Variants in SLC23A2 observed in about 807,000 individuals in gnomAD.
The protein encoded by SLC23A2 is Na(+)/L-ascorbic acid transporter 2.
A neutral mutation model predicts 73.3 loss-of-function variants in SLC23A2; 36 were observed. That is an observed-to-expected ratio of 0.49 (90% CI 0.38 to 0.65). SLC23A2 has a LOEUF of 0.65. SLC23A2 is among the 30% of genes least tolerant of loss of function. The probability of loss-of-function intolerance (pLI) is 0.00; values close to 1 mark genes in which losing one functional copy is unlikely to be tolerated. For missense variants in SLC23A2, 507 were observed against 841.6 expected, an observed-to-expected ratio of 0.60 and a Z score of 4.92; for synonymous variants, 343 against 327.3, an observed-to-expected ratio of 1.05 and a Z score of -0.52.
Position 4,853,328 on chromosome 20 carries a change from C to T in SLC23A2, c.*3644G>A, listed in dbSNP as rs1299709042. On this transcript the variant is annotated 3_prime_UTR_variant, in exon 17 of 17. Transcript: ENST00000338244. ...GATGGGTTCTGGAATGAGGCTTCTGCTACTGCTCCATATTCACCTTCAATC... is the reference window on the plus strand; with the variant it reads ...GATGGGTTCTGGAATGAGGCTTCTGTTACTGCTCCATATTCACCTTCAATC... 1 of 152,682 alleles carries T rather than the reference C, an allele frequency of 6.5e-6. No homozygotes were observed. The highest frequency in any genetic ancestry group is 2.4e-5 in the African/African-American group (1 of 41,458). The allele number at this position is 152,682 out of a possible 1,614,324, so 9.5% of individuals were successfully genotyped here. A position where few individuals can be genotyped will look rare whatever the true frequency, so the allele number is the denominator to read the frequency against.
intron 7 of SLC23A2, among the ~76,000 whole-genome samples, chr20:4,885,214 G>A (rs1361320004): frequency 3.9e-5 from 6 of 152,248 alleles, no homozygotes; most frequent in African/African-American, 1.4e-4. Context: ...TCAAATCAGT[G>A]GTCACAAAGT....
At chr20:4,903,003 C>G in intron 4 of SLC23A2, among the ~76,000 whole-genome samples, 1 of 152,128 alleles carries the variant, frequency 6.6e-6, no homozygotes, top group Non-Finnish European at 1.5e-5. Flanking sequence ...CCACTTCATC[C>G]CTGCAAGTAA....
chr20:4,857,302 A>ATGGT lies in SLC23A2; in HGVS notation c.1721-99_1721-98insACCA. ...AACACATACACACACACACACACACACACACACACACACACACACACACAC... is the reference window on the plus strand; with the variant it reads ...AACACATACACACACACACACACACATGGTCACACACACACACACACACACACAC... On this transcript the variant is annotated intron_variant, in intron 16 of 16. Transcript: ENST00000338244. This position sits in a 1 kb window ranked among gnomAD's most constrained non-coding sequence, Gnocchi z 4.0. 2.0e-6 allele frequency: 1 copy of ATGGT among 507,688 alleles called. No homozygotes were observed. Among genetic ancestry groups the ATGGT allele is most frequent in the Non-Finnish European group, 3.4e-6 (1 of 294,058 alleles). The allele number at this position is 507,688 out of a possible 1,614,324, so 31.4% of individuals were successfully genotyped here.
intron 6 of SLC23A2, among the ~76,000 whole-genome samples, chr20:4,896,565 G>A (rs1032533759): frequency 3.3e-5 from 5 of 152,156 alleles, no homozygotes; most frequent in African/African-American, 1.2e-4. Context: ...ATTCCATTCC[G>A]TGCTGCTTCT....
At chr20:4,985,135 C>CAAAAA (rs1464396367) in intron 1 of SLC23A2, among the ~76,000 whole-genome samples, 1 of 65,426 alleles carries the variant, frequency 1.5e-5, no homozygotes, top group African/African-American at 6.5e-5. Context: ...GACTCCGTCT[C>CAAAAA]CAAAAAAAAA....
chr20:4,980,696 A>G (rs142456239), intron 1 of SLC23A2, among the ~76,000 whole-genome samples: 1 of 151,794 alleles, frequency 6.6e-6, no homozygotes, highest in African/African-American at 2.4e-5. Flanking sequence ...ACACCCGGCT[A>G]ATTTTTTGTT....
At chr20:4,920,789 CT>C (rs1350347418) in intron 3 of SLC23A2, among the ~76,000 whole-genome samples, 1 of 152,168 alleles carries the variant, frequency 6.6e-6, no homozygotes, top group Non-Finnish European at 1.5e-5. Flanking sequence ...AAACATCCCC[CT>C]ATCCTAGGGC....
upstream of SLC23A2, among the ~76,000 whole-genome samples, chr20:5,005,070 C>G (rs1484490939): frequency 6.6e-6 from 1 of 150,764 alleles, no homozygotes; most frequent in Non-Finnish European, 1.5e-5. Flanking sequence ...AAAGAATAAA[C>G]CTTTCCCAGT....
intron 2 of SLC23A2, among the ~76,000 whole-genome samples, chr20:4,951,819 T>C (rs2087206779): frequency 6.6e-6 from 1 of 152,016 alleles, no homozygotes; most frequent in South Asian, 2.1e-4. Context: ...AAAGAACAAA[T>C]GAGGTCGGGT....
intron 1 of SLC23A2, among the ~76,000 whole-genome samples, chr20:5,008,858 C>T (rs79323663): frequency 0.017 from 2,653 of 152,222 alleles, 82 homozygotes; most frequent in African/African-American, 0.06. Context: ...TGAGTCACCA[C>T]GCTCGGCCCT....
At chr20:4,936,980 C>A (rs1010131524) in intron 2 of SLC23A2, among the ~76,000 whole-genome samples, 1 of 152,126 alleles carries the variant, frequency 6.6e-6, no homozygotes, top group Non-Finnish European at 1.5e-5. Context: ...AGGGGAGCAC[C>A]TTTCATCAGG....
At chr20:4,994,274 T>C (rs972578570) in intron 1 of SLC23A2, among the ~76,000 whole-genome samples, 2 of 152,132 alleles carry the variant, frequency 1.3e-5, no homozygotes, top group African/African-American at 4.8e-5. Context: ...ACCAGCAACA[T>C]CCCTGTCACC....
At chr20:4,904,055 G>T (rs1931848041) in intron 4 of SLC23A2, among the ~76,000 whole-genome samples, 1 of 152,142 alleles carries the variant, frequency 6.6e-6, no homozygotes, top group Non-Finnish European at 1.5e-5. Context: ...AGCACCATGG[G>T]ATGCTAAGGT....
At chr20:4,974,274 C>A in intron 1 of SLC23A2, among the ~76,000 whole-genome samples, 1 of 152,036 alleles carries the variant, frequency 6.6e-6, no homozygotes, top group East Asian at 1.9e-4. Context: ...AGTTGGTCAG[C>A]CTGACCAACA....
At chr20:4,928,707 C>T (rs912073852) in intron 3 of SLC23A2, among the ~76,000 whole-genome samples, 6 of 152,244 alleles carry the variant, frequency 3.9e-5, no homozygotes, top group Admixed American at 2.0e-4. Flanking sequence ...ATAAAAATTC[C>T]ATAACATCCT....
chr20:4,988,863 A>T (rs1409139760), intron 1 of SLC23A2, among the ~76,000 whole-genome samples: 1 of 152,012 alleles, frequency 6.6e-6, no homozygotes, highest in Non-Finnish European at 1.5e-5. Context: ...GTGAGCCAAG[A>T]TTGCGCCATT....
In SLC23A2 at chr20:4,968,915, C is replaced by T. The variant is rs188637600; in HGVS notation, c.-155+1878G>A. 2.8e-4 allele frequency among the ~76,000 whole-genome samples: 43 copies of T among 151,066 alleles called. No individual in the cohort carries two copies. In the East Asian group the frequency reaches 7.3e-3, roughly 25 times the overall value. On this transcript the variant is annotated intron_variant, in intron 2 of 16. Transcript: ENST00000338244. The stretch of plus-strand genomic sequence containing the variant: ...TGTATTTTTAGTAGAGACGGGGTTT[C>T]ACCAGCCATGTTGGCCAGGCTGGTC...
At chr20:4,887,900 G>A (rs1931168908) in intron 6 of SLC23A2, among the ~76,000 whole-genome samples, 1 of 152,174 alleles carries the variant, frequency 6.6e-6, no homozygotes, top group South Asian at 2.1e-4. Flanking sequence ...CACGTTAAAC[G>A]AGAGCTTCCC....
At chr20:5,002,387 T>C (rs900584680), upstream of SLC23A2, among the ~76,000 whole-genome samples, 3 of 152,226 alleles carry the variant, frequency 2.0e-5, no homozygotes, top group African/African-American at 7.2e-5. Flanking sequence ...GAAATCTGAA[T>C]ACAATTTTTT....
Sources: allele counts gnomAD v4.1 joint callset (sites outside exome capture counted in the v4.1 genomes callset), GRCh38; gene constraint gnomAD v4.1.1; non-coding constraint Gnocchi (gnomAD v3.1); transcripts MANE v1.5; gene names NCBI Gene and HGNC (gene_info 2026-07-23, HGNC 2026-07-21).